SRSF7: variants seen among roughly 807,000 people sequenced by gnomAD.
The protein encoded by SRSF7 is serine and arginine rich splicing factor 7.
In SRSF7, 15 loss-of-function variants were observed where a neutral mutation model predicts 42.2. The observed-to-expected ratio is 0.36, with a 90% CI of 0.24 to 0.55. SRSF7 has a LOEUF of 0.55. Ranked by LOEUF, SRSF7 falls within the 20% of genes least tolerant of loss-of-function variation. SRSF7 has a pLI of 0.88. For synonymous variants in SRSF7, 138 were observed against 107.9 expected (o/e 1.28, Z -1.73); for missense variants, 181 against 305.9 (o/e 0.59, Z 3.04).
At chr2:38,747,227 A>C in intron 5 of SRSF7, 1 of 364,192 alleles carries the variant, frequency 2.7e-6, no homozygotes, top group Non-Finnish European at 5.7e-6. Context: ...GTAAGGCTTT[A>C]TTCCTGGATC....
chr2:38,749,870 T>C (rs1668020124), intron 2 of SRSF7, 144 bp downstream of exon 2: 1 of 1,240,226 alleles, frequency 8.1e-7, no homozygotes, highest in East Asian at 2.5e-5. Flanking sequence ...CTATCTTCTT[T>C]AACCTTCGTG....
chr2:38,751,336 C>A lies in SRSF7; in HGVS notation c.-80G>T. The A allele has an allele frequency of 7.0e-4, 1,118 of 1,598,440 alleles. 1 individual carries two copies. The highest frequency in any genetic ancestry group is 8.6e-4 in the Non-Finnish European group (1,005 of 1,168,102). ...ACGCAAAAGCTGACACACACCTTCACCCGCCAAGAGTCCCGGCGGCACTAC... is the reference window on the plus strand; with the variant it reads ...ACGCAAAAGCTGACACACACCTTCAACCGCCAAGAGTCCCGGCGGCACTAC... On this transcript the variant is annotated 5_prime_UTR_variant, in exon 1 of 8. Transcript: ENST00000313117.
At chr2:38,746,060 CAA>C (rs1667358356) in intron 7 of SRSF7, 82 bp downstream of exon 7, 2 of 1,408,870 alleles carry the variant, frequency 1.4e-6, no homozygotes, top group East Asian at 4.6e-5. Context: ...CCAAAGAGCT[CAA>C]AGACTGCAAA....
In SRSF7 at chr2:38,749,716, C is replaced by A. The variant is rs775785176; in HGVS notation, c.210-11G>T. 6.5e-7 allele frequency: 1 copy of A among 1,527,730 alleles called. No individual in the cohort carries two copies. Among genetic ancestry groups the A allele is most frequent in the Non-Finnish European group, 8.8e-7 (1 of 1,142,276 alleles). The allele number at this position is 1,527,730 out of a possible 1,614,324, so 94.6% of individuals were successfully genotyped here. ...GAGCCACAAATCACCCTAATAAAAG[C>A]AAATTAACAAAATTCTAAAGTTAAA... On this transcript the variant is annotated splice_polypyrimidine_tract_variant and intron_variant, in intron 2 of 7. Transcript: ENST00000313117.
Position 38,745,004 on chromosome 2 carries a change from A to C in SRSF7, c.*129T>G. 1 of 865,424 alleles carries C rather than the reference A, an allele frequency of 1.2e-6. No individual in the cohort carries two copies. Among genetic ancestry groups the C allele is most frequent in the Non-Finnish European group, 1.8e-6 (1 of 562,598 alleles). 53.6% of individuals were successfully genotyped at this position (865,424 alleles called of 1,614,324 possible). A position where few individuals can be genotyped will look rare whatever the true frequency, so the allele number is the denominator to read the frequency against. On this transcript the variant is annotated 3_prime_UTR_variant, in exon 8 of 8. Coordinates refer to ENST00000313117, the MANE Select transcript of SRSF7 (RefSeq NM_001031684.3). ...TATTATCTTACTGCTGTGAATTTAC[A>C]TAGTAATCCAGATCCATTTTGATTA... is the stretch of plus-strand genomic sequence containing the variant.
intron 5 of SRSF7, 93 bp downstream of exon 5, chr2:38,747,954 C>T: frequency 1.2e-6 from 1 of 847,492 alleles, no homozygotes; most frequent in Non-Finnish European, 1.8e-6. Context: ...CAAATATTCC[C>T]TGAAGCAATC....
At chr2:38,747,826 C>T (rs1667701181) in intron 5 of SRSF7, among the ~76,000 whole-genome samples, 1 of 152,174 alleles carries the variant, frequency 6.6e-6, no homozygotes, top group African/African-American at 2.4e-5. Context: ...TGCTTGGGAC[C>T]CTTGTCTACC....
At chr2:38,747,199 G>T (rs565849535) in intron 5 of SRSF7, 3 of 406,636 alleles carry the variant, frequency 7.4e-6, no homozygotes, top group Non-Finnish European at 1.5e-5. Context: ...CAGACGAAAA[G>T]AAAGCCGCCC....
At chr2:38,749,161 CA>C in intron 3 of SRSF7, 1 of 1,322,182 alleles carries the variant, frequency 7.6e-7, no homozygotes, top group Non-Finnish European at 1.0e-6. Context: ...ATCACCGTCT[CA>C]AATTTTCTGC....
intron 1 of SRSF7, among the ~76,000 whole-genome samples, chr2:38,750,443 G>A (rs976583771): frequency 1.3e-5 from 2 of 152,012 alleles, no homozygotes; most frequent in East Asian, 2.0e-4. Flanking sequence ...AGAAACGCGT[G>A]GTAGGATACA....
At chr2:38,747,760 G>A (rs535615348) in intron 5 of SRSF7, among the ~76,000 whole-genome samples, 1 of 152,270 alleles carries the variant, frequency 6.6e-6, no homozygotes, top group South Asian at 2.1e-4. Context: ...CATCCAATCT[G>A]AAGCCAGAAA....
chr2:38,747,296 T>C (rs1667594602), intron 5 of SRSF7, among the ~76,000 whole-genome samples: 1 of 152,222 alleles, frequency 6.6e-6, no homozygotes, highest in South Asian at 2.1e-4. Flanking sequence ...GACATATCTA[T>C]CTTTTAAATT....
Position 38,748,121 on chromosome 2 carries a change from G to C in SRSF7, c.498C>G (p.Ile166Met). 3 of 1,613,512 alleles carry C rather than the reference G, an allele frequency of 1.9e-6. No homozygotes were observed. The highest frequency in any genetic ancestry group is 3.3e-5 in the Admixed American group (2 of 59,972). Residue 166 changes from isoleucine to methionine, a missense_variant, in exon 5 of 8, where the codon ATC becomes ATG. Ile to Met is a conservative substitution (Grantham distance 10). Coordinates refer to ENST00000313117, the MANE Select transcript of SRSF7 (RefSeq NM_001031684.3). Reference protein sequence around the residue: ...RSASPRRSRSISLRRSRSASL... With the variant: ...RSASPRRSRSMSLRRSRSASL... Reference sequence around the variant, plus strand: ...AAGCTGATCTTGATCTACGAAGAGAGATAGATCTTGATCGTCGAGGAGATG... The same window carrying C: ...AAGCTGATCTTGATCTACGAAGAGACATAGATCTTGATCGTCGAGGAGATG...
intron 3 of SRSF7, 158 bp from the exon 4 acceptor site, chr2:38,748,811 T>TA: frequency 1.7e-6 from 2 of 1,175,478 alleles, no homozygotes; most frequent in East Asian, 2.6e-5. Context: ...TTTTTTTTTT[T>TA]ACTACCTAAA....
chr2:38,750,571 G>C (rs747855030), intron 1 of SRSF7, among the ~76,000 whole-genome samples: 3 of 151,838 alleles, frequency 2.0e-5, no homozygotes, highest in Non-Finnish European at 2.9e-5. Flanking sequence ...GGCCTCGGTA[G>C]GGGCCGGGCC....
chr2:38,748,825 A>T, intron 3 of SRSF7, 172 bp from the exon 4 acceptor site: 1 of 1,286,432 alleles, frequency 7.8e-7, no homozygotes, highest in Non-Finnish European at 1.0e-6. Context: ...ACCTAAAAAA[A>T]GATTTGTTAA....
intron 1 of SRSF7, 53 bp from the exon 2 acceptor site, chr2:38,750,247 T>C (rs1469802742): frequency 1.0e-5 from 16 of 1,524,610 alleles, no homozygotes; most frequent in African/African-American, 1.4e-5. Flanking sequence ...CTGGCCCAAG[T>C]TTCAATTACT....
intron 1 of SRSF7, among the ~76,000 whole-genome samples, chr2:38,750,626 C>T (rs1006540106): frequency 5.3e-5 from 8 of 152,116 alleles, no homozygotes; most frequent in Admixed American, 3.3e-4. Context: ...CGGCAAACGT[C>T]CCAGGCACAG....
chr2:38,748,014 C>G, intron 5 of SRSF7, 33 bp downstream of exon 5: 2 of 1,515,228 alleles, frequency 1.3e-6, no homozygotes, highest in Non-Finnish European at 1.8e-6. Flanking sequence ...GTGAACAATC[C>G]AAACACAAGT....
Sources: gnomAD v4.1 joint callset for allele counts (sites outside exome capture counted in the v4.1 genomes callset) on GRCh38, gnomAD v4.1.1 for gene constraint, MANE v1.5 for transcripts, NCBI Gene and HGNC (gene_info 2026-07-23, HGNC 2026-07-21) for gene names.